Variants in CFAP20DC observed in about 807,000 individuals in gnomAD.
The protein encoded by CFAP20DC is CFAP20 domain containing.
CFAP20DC carries 84 observed loss-of-function variants against 101.7 expected under a neutral mutation model. The observed-to-expected ratio is 0.83, with a 90% confidence interval of 0.69 to 0.99. CFAP20DC has a LOEUF of 0.99. Ranked by LOEUF, CFAP20DC falls within the 50% of genes least tolerant of loss-of-function variation. CFAP20DC has a pLI of 0.00. For synonymous variants in CFAP20DC, 359 were observed against 351.2 expected (o/e 1.02, Z -0.25); for missense variants, 1,007 against 970.3 (o/e 1.04, Z -0.50).
intron 4 of CFAP20DC, among the ~76,000 whole-genome samples, chr3:59,022,847 C>G (rs1054767248): frequency 6.6e-6 from 1 of 152,068 alleles, no homozygotes; most frequent in African/African-American, 2.4e-5. Flanking sequence ...GAGTTTTTAT[C>G]TAAGAGCCAA....
chr3:58,853,542 T>G (rs1450420065), intron 12 of CFAP20DC, among the ~76,000 whole-genome samples: 2 of 151,972 alleles, frequency 1.3e-5, no homozygotes, highest in Non-Finnish European at 2.9e-5. Context: ...AAAAGAGAAT[T>G]TTAGACCAAT....
chr3:58,756,256 T>C (rs895674382), intron 15 of CFAP20DC, among the ~76,000 whole-genome samples: 6 of 152,090 alleles, frequency 3.9e-5, no homozygotes, highest in African/African-American at 1.4e-4. Flanking sequence ...GCCCTCAGTA[T>C]CCTCAAGATA....
intron 4 of CFAP20DC, among the ~76,000 whole-genome samples, chr3:58,996,202 A>G (rs1365480191): frequency 6.6e-6 from 1 of 152,160 alleles, no homozygotes; most frequent in African/African-American, 2.4e-5. Flanking sequence ...ACTTATTTAT[A>G]CAAATAAATC....
At chr3:58,735,822 G>A (rs2067740684) in intron 3 of CFAP20DC, among the ~76,000 whole-genome samples, 1 of 152,126 alleles carries the variant, frequency 6.6e-6, no homozygotes, top group East Asian at 1.9e-4. Flanking sequence ...AAACAGTGAT[G>A]TCCCTTATAA....
chr3:58,833,038 G>A (rs1310497725), intron 13 of CFAP20DC, among the ~76,000 whole-genome samples: 1 of 151,936 alleles, frequency 6.6e-6, no homozygotes, highest in Non-Finnish European at 1.5e-5. Context: ...CACTTTCTTG[G>A]AGGACTCTCT....
intron 5 of CFAP20DC, among the ~76,000 whole-genome samples, chr3:58,933,379 C>T (rs542820302): frequency 3.3e-5 from 5 of 151,428 alleles, no homozygotes; most frequent in Non-Finnish European, 7.4e-5. Flanking sequence ...AGAAAGTTAA[C>T]AAGGATACCC....
intron 4 of CFAP20DC, among the ~76,000 whole-genome samples, chr3:59,027,441 C>T (rs2093913449): frequency 6.6e-6 from 1 of 152,160 alleles, no homozygotes; most frequent in Non-Finnish European, 1.5e-5. Flanking sequence ...ACATGATGCA[C>T]ACCAGAGGGT....
At position 58,946,892 on chromosome 3, in the gene CFAP20DC, A is replaced by C. The variant is rs564875564; in HGVS notation, c.279-9130T>G. Among the ~76,000 whole-genome samples the C allele has an allele frequency of 3.1e-4, 47 of 152,366 alleles. 1 individual carries two copies. In the South Asian group the frequency reaches 3.7e-3, roughly 12 times the overall value. On this transcript the variant is annotated intron_variant, in intron 4 of 16. Coordinates refer to ENST00000482387, the MANE Select transcript of CFAP20DC (RefSeq NM_001394063.1). Reference sequence around the variant, plus strand: ...ATCCCTACCATGTGCCAGAACCTGCATACCATTTTACCTGTGTTATCTCAT... The same window carrying C: ...ATCCCTACCATGTGCCAGAACCTGCCTACCATTTTACCTGTGTTATCTCAT...
Position 59,032,364 on chromosome 3 carries a change from G to A in CFAP20DC, c.278+7193C>T, listed in dbSNP as rs369314049. On this transcript the variant is annotated intron_variant, in intron 4 of 16. Coordinates refer to ENST00000482387, the MANE Select transcript of CFAP20DC (RefSeq NM_001394063.1). ...GCGAGACAGAACCATTCACTCCCCGGGAAAGGGGGCTGAAGCCAGGAAGCC... is the reference window on the plus strand; with the variant it reads ...GCGAGACAGAACCATTCACTCCCCGAGAAAGGGGGCTGAAGCCAGGAAGCC... 9.2e-5 allele frequency among the ~76,000 whole-genome samples: 14 copies of A among 152,176 alleles called. No individual in the cohort carries two copies. The East Asian group carries it at 2.5e-3, about 27-fold the overall frequency.
At position 58,869,604 on chromosome 3, in the gene CFAP20DC, G is replaced by A; in HGVS notation, c.853-114C>T. 4 of 722,388 alleles carry A rather than the reference G, an allele frequency of 5.5e-6. No homozygotes were observed. The highest frequency in any genetic ancestry group is 1.8e-5 in the African/African-American group (1 of 54,856). The allele number at this position is 722,388 out of a possible 1,614,324, so 44.7% of individuals were successfully genotyped here. ...AATGAAGAGTGAGAAAAAAACTAGA[G>A]GAAATGAGGTTAAGATGTGAAGAAA... On this transcript the variant is annotated intron_variant, in intron 8 of 16. Transcript: ENST00000482387. The surrounding 1 kb of genome is among the most constrained non-coding windows in gnomAD (Gnocchi z 4.3).
intron 5 of CFAP20DC, among the ~76,000 whole-genome samples, chr3:58,930,757 T>C (rs777279814): frequency 2.6e-5 from 4 of 152,158 alleles, no homozygotes; most frequent in Non-Finnish European, 5.9e-5. Flanking sequence ...GTATAAAGTT[T>C]TCTTTTAAAT....
chr3:58,855,864 T>C (rs568617114), intron 12 of CFAP20DC, among the ~76,000 whole-genome samples: 10 of 145,614 alleles, frequency 6.9e-5, no homozygotes, highest in African/African-American at 1.0e-4. Context: ...AGGGATAGCA[T>C]TGGGAGATAT....
At chr3:58,917,735 A>T (rs2084889219) in intron 5 of CFAP20DC, among the ~76,000 whole-genome samples, 1 of 152,216 alleles carries the variant, frequency 6.6e-6, no homozygotes, top group Non-Finnish European at 1.5e-5. Flanking sequence ...ATAAGCAGAG[A>T]TTGAAATTGT....
intron 16 of CFAP20DC, among the ~76,000 whole-genome samples, chr3:58,742,948 G>A (rs2067959984): frequency 6.6e-6 from 1 of 152,188 alleles, no homozygotes; most frequent in South Asian, 2.1e-4. Flanking sequence ...ATGGGCCAGA[G>A]CTGTACAAAA....
intron 6 of CFAP20DC, among the ~76,000 whole-genome samples, chr3:58,891,669 T>G (rs2082275578): frequency 6.6e-6 from 1 of 152,160 alleles, no homozygotes; most frequent in Non-Finnish European, 1.5e-5. Flanking sequence ...TTTTTTTTTC[T>G]TGTAAATTTC....
intron 16 of CFAP20DC, among the ~76,000 whole-genome samples, chr3:58,744,897 T>C (rs2068089992): frequency 6.6e-6 from 1 of 152,302 alleles, no homozygotes; most frequent in East Asian, 1.9e-4. Context: ...TGAACTGTGC[T>C]TAGAACAGGG....
At chr3:58,825,534 A>G (rs1011513484) in intron 14 of CFAP20DC, among the ~76,000 whole-genome samples, 6 of 90,558 alleles carry the variant, frequency 6.6e-5, no homozygotes, top group Non-Finnish European at 1.3e-4. Flanking sequence ...CCTTAAAAAA[A>G]GAAAACACAC....
intron 4 of CFAP20DC, 124 bp from the exon 5 acceptor site, chr3:58,937,886 A>T (rs2087933935): frequency 1.5e-6 from 1 of 646,536 alleles, no homozygotes; most frequent in Admixed American, 3.0e-5. Context: ...TCAAACACAG[A>T]ATTTAAGAAT....
In CFAP20DC at chr3:58,826,912, GGA is replaced by G. The variant is rs146777616; in HGVS notation, c.2175+4772_2175+4773del. On this transcript the variant is annotated intron_variant, in intron 14 of 16. Coordinates refer to ENST00000482387, the MANE Select transcript of CFAP20DC (RefSeq NM_001394063.1). Reference sequence around the variant, plus strand: ...CTGTTCAGGGTGGGATGAGGGTTGGGGAGAGTTTCATGAAGCAGTGACAAGTG... The same window carrying G: ...CTGTTCAGGGTGGGATGAGGGTTGGGGAGTTTCATGAAGCAGTGACAAGTG... 3.0e-3 allele frequency among the ~76,000 whole-genome samples: 451 copies of G among 152,268 alleles called. 6 individuals carry two copies. The highest frequency in any genetic ancestry group is 0.01 in the African/African-American group (432 of 41,552).
Sources: allele counts gnomAD v4.1 joint callset (sites outside exome capture counted in the v4.1 genomes callset), GRCh38; gene constraint gnomAD v4.1.1; non-coding constraint Gnocchi (gnomAD v3.1); transcripts MANE v1.5; gene names NCBI Gene and HGNC (gene_info 2026-07-23, HGNC 2026-07-21).